The following ABLIM1 variants were observed in gnomAD, a reference collection of about 807,000 sequenced individuals.
ABLIM1 encodes actin-binding LIM protein 1.
Under a neutral mutation model 107.0 loss-of-function variants are expected in ABLIM1, and 40 were observed. That is an observed-to-expected ratio of 0.37 (90% CI 0.29 to 0.49). The LOEUF (loss-of-function observed/expected upper bound fraction) is 0.49, where lower values mean the gene tolerates loss of function less well. ABLIM1 is among the 20% of genes least tolerant of loss of function. The pLI is 0.97. For synonymous variants in ABLIM1, 357 were observed against 357.3 expected, an observed-to-expected ratio of 1.00 and a Z score of 0.01; for missense variants, 857 against 1,008.5, an observed-to-expected ratio of 0.85 and a Z score of 2.04.
intron 10 of ABLIM1, among the ~76,000 whole-genome samples, chr10:114,468,724 T>C (rs1201754412): frequency 2.0e-5 from 3 of 152,004 alleles, no homozygotes; most frequent in Non-Finnish European, 4.4e-5. Flanking sequence ...TCTGACAAAG[T>C]TCCGGGGAGA....
intron 1 of ABLIM1, among the ~76,000 whole-genome samples, chr10:114,759,238 C>T (rs548717861): frequency 6.6e-6 from 1 of 152,204 alleles, no homozygotes; most frequent in African/African-American, 2.4e-5. Context: ...GATAATTTTC[C>T]CATTAAAATC....
intron 12 of ABLIM1, among the ~76,000 whole-genome samples, chr10:114,464,446 A>G (rs886554420): frequency 2.0e-5 from 3 of 152,142 alleles, no homozygotes; most frequent in African/African-American, 7.2e-5. Flanking sequence ...TCAGCCTCCT[A>G]AAGTGCTGGG....
chr10:114,499,523 A>G (rs2060112840), intron 6 of ABLIM1, among the ~76,000 whole-genome samples: 1 of 152,208 alleles, frequency 6.6e-6, no homozygotes, highest in African/African-American at 2.4e-5. Context: ...GTTGCTTTAG[A>G]TCAGGAGTTT....
chr10:114,621,941 G>A (rs2077489615), intron 1 of ABLIM1, among the ~76,000 whole-genome samples: 1 of 152,228 alleles, frequency 6.6e-6, no homozygotes, highest in Non-Finnish European at 1.5e-5. Context: ...AGGGACAGAG[G>A]GGCATCCAAT....
chr10:114,716,842 TAAAA>T (rs34567416), intron 1 of ABLIM1, among the ~76,000 whole-genome samples: 1,881 of 134,546 alleles, frequency 0.014, 38 homozygotes, highest in African/African-American at 0.048. Flanking sequence ...CTGGAACTGT[TAAAA>T]AAAAAAAAAA....
At position 114,512,433 on chromosome 10, in the gene ABLIM1, G is replaced by A. The variant is rs2062016197; in HGVS notation, c.895-20555C>T. ...AGACATTCATTGAGTGAAAGATCCT[G>A]CTTCTGAATCCAGAGGAAGGGACAA... On this transcript the variant is annotated intron_variant, in intron 6 of 22. Coordinates refer to ENST00000533213, the MANE Select transcript of ABLIM1 (RefSeq NM_002313.7). 2.0e-5 allele frequency among the ~76,000 whole-genome samples: 3 copies of A among 152,304 alleles called. No homozygotes were observed. The South Asian group carries it at 6.2e-4, about 32-fold the overall frequency.
At chr10:114,768,535 T>C (rs11196905), upstream of ABLIM1, among the ~76,000 whole-genome samples, 23,602 of 152,076 alleles carry the variant, frequency 0.16, 2,288 homozygotes, top group East Asian at 0.45. Context: ...TTCCTTCCCC[T>C]AAGTGATGCC....
intron 6 of ABLIM1, among the ~76,000 whole-genome samples, chr10:114,544,358 C>T (rs577218677): frequency 5.3e-5 from 8 of 152,296 alleles, no homozygotes; most frequent in African/African-American, 1.7e-4. Flanking sequence ...GAACTCTGGC[C>T]CCAGAATTCT....
At chr10:114,517,335 A>G (rs969584179) in intron 6 of ABLIM1, among the ~76,000 whole-genome samples, 4 of 152,278 alleles carry the variant, frequency 2.6e-5, no homozygotes, top group African/African-American at 9.6e-5. Flanking sequence ...ACCCACATGA[A>G]GATGAAGGCA....
At chr10:114,447,535 T>C (rs1368243493) in intron 15 of ABLIM1, among the ~76,000 whole-genome samples, 1 of 152,224 alleles carries the variant, frequency 6.6e-6, no homozygotes, top group African/African-American at 2.4e-5. Context: ...TCTAATTATA[T>C]AGAACAATGT....
chr10:114,590,682 A>C (rs1412655491), intron 2 of ABLIM1, among the ~76,000 whole-genome samples: 1 of 152,052 alleles, frequency 6.6e-6, no homozygotes, highest in Non-Finnish European at 1.5e-5. Flanking sequence ...CCTGGAAGGA[A>C]AGTGAGATCC....
intron 1 of ABLIM1, among the ~76,000 whole-genome samples, chr10:114,698,392 A>C (rs1391275215): frequency 6.6e-6 from 1 of 151,216 alleles, no homozygotes; most frequent in Non-Finnish European, 1.5e-5. Context: ...GAGCAAAATA[A>C]AGGAGATTAA....
At chr10:114,781,158 A>G in the ABLIM1 span, among the ~76,000 whole-genome samples, 2 of 151,982 alleles carry the variant, frequency 1.3e-5, no homozygotes, top group East Asian at 3.9e-4. Flanking sequence ...GTTTGTGTGT[A>G]CTCTTCTTAG....
upstream of ABLIM1, among the ~76,000 whole-genome samples, chr10:114,658,970 A>C (rs1182318827): frequency 2.0e-5 from 3 of 152,238 alleles, no homozygotes; most frequent in Non-Finnish European, 2.9e-5. Context: ...TGATATAAAA[A>C]GGACAACCCC....
intron 1 of ABLIM1, among the ~76,000 whole-genome samples, chr10:114,673,907 G>A (rs1003358417): frequency 5.3e-5 from 8 of 152,032 alleles, no homozygotes; most frequent in African/African-American, 1.9e-4. Context: ...TGAGAAGAGA[G>A]ACATTAAGGG....
In ABLIM1 at chr10:114,690,447, C is replaced by T. The variant is rs1388422569; in HGVS notation, c.-213+77614G>A. 1.9e-6 allele frequency: 3 copies of T among 1,599,266 alleles called. No homozygotes were observed. In the African/African-American group the frequency reaches 4.0e-5, roughly 21 times the overall value. Reference sequence around the variant, plus strand: ...AGTGCCATTATGGCGTGTGAAGTCACCACCCTGACACATAAACCCTGGAAT... The same window carrying T: ...AGTGCCATTATGGCGTGTGAAGTCATCACCCTGACACATAAACCCTGGAAT... On this transcript the variant is annotated intron_variant, in intron 1 of 15. Coordinates refer to the ABLIM1 transcript ENST00000651092.
chr10:114,500,675 T>G (rs1366304589), intron 6 of ABLIM1, among the ~76,000 whole-genome samples: 5 of 107,486 alleles, frequency 4.7e-5, no homozygotes, highest in Non-Finnish European at 7.0e-5. Flanking sequence ...GAAGACCTTG[T>G]GTCGAAAGAA....
chr10:114,529,981 C>G (rs1299110345), intron 6 of ABLIM1, among the ~76,000 whole-genome samples: 3 of 152,078 alleles, frequency 2.0e-5, no homozygotes, highest in Non-Finnish European at 4.4e-5. Context: ...GATCTGAGAT[C>G]GTGCCATTGC....
Position 114,529,456 on chromosome 10 carries a change from G to A in ABLIM1, c.894+15549C>T, listed in dbSNP as rs368806714. 2.0e-5 allele frequency among the ~76,000 whole-genome samples: 3 copies of A among 152,142 alleles called. No homozygotes were observed. In the East Asian group the frequency reaches 5.8e-4, roughly 29 times the overall value. ...TCTTTCTACTCTCCTATATTTGGAT[G>A]ATCAGTTTCTCTTTTTGGATTTTAT... On this transcript the variant is annotated intron_variant, in intron 6 of 22. Coordinates refer to ENST00000533213, the MANE Select transcript of ABLIM1 (RefSeq NM_002313.7).
Sources: gnomAD v4.1 joint callset for allele counts (sites outside exome capture counted in the v4.1 genomes callset) on GRCh38, gnomAD v4.1.1 for gene constraint, MANE v1.5 for transcripts, NCBI Gene and HGNC (gene_info 2026-07-23, HGNC 2026-07-21) for gene names.